The following PIN4 variants were observed in gnomAD, a reference collection of about 807,000 sequenced individuals.
The protein encoded by PIN4 is peptidylprolyl cis/trans isomerase, NIMA-interacting 4, also known as peptidyl-prolyl cis-trans isomerase NIMA-interacting 4.
In PIN4, 3 loss-of-function variants were observed where a neutral mutation model predicts 8.3. The observed-to-expected ratio is 0.36, with a 90% CI of 0.16 to 0.93. The LOEUF is 0.93. Among genes scored for constraint, PIN4 ranks in the 40% least tolerant of loss-of-function variants. The pLI is 0.44. For synonymous variants in PIN4, 18 were observed against 32.5 expected (o/e 0.55, Z 1.52); for missense variants, 75 against 100.6 (o/e 0.75, Z 1.09).
chrX:72,244,280 C>T (rs1469185397), intron 3 of PIN4, among the ~76,000 whole-genome samples: 1 of 111,647 alleles, frequency 9.0e-6, no homozygotes, highest in African/African-American at 3.3e-5. Flanking sequence ...ATTATGACAG[C>T]ATACCATGAG....
intron 2 of PIN4, among the ~76,000 whole-genome samples, chrX:72,188,176 G>C (rs988645084): frequency 1.8e-5 from 2 of 111,951 alleles, no homozygotes; most frequent in Non-Finnish European, 3.8e-5. Flanking sequence ...TGTTACAAAC[G>C]GAGTACAGCG....
chrX:72,219,030 C>CG (rs1048791797), intron 3 of PIN4, among the ~76,000 whole-genome samples: 18 of 112,272 alleles, frequency 1.6e-4, no homozygotes, highest in Non-Finnish European at 3.8e-5. Context: ...CTGAGGTGGG[C>CG]GGACCACCTG....
chrX:72,227,867 C>T (rs1025552123), intron 3 of PIN4, among the ~76,000 whole-genome samples: 1 of 112,571 alleles, frequency 8.9e-6, no homozygotes, highest in Non-Finnish European at 1.9e-5. Flanking sequence ...CCTTAAATAT[C>T]GGCCAGCCGT....
intron 3 of PIN4, among the ~76,000 whole-genome samples, chrX:72,232,560 G>A (rs190058002): frequency 6.9e-4 from 77 of 112,267 alleles, no homozygotes; most frequent in Non-Finnish European, 2.6e-4. Flanking sequence ...TGTAATCCCA[G>A]CACTTGGGGA....
intron 2 of PIN4, among the ~76,000 whole-genome samples, chrX:72,191,945 TTTTTTG>T (rs60476296): frequency 9.1e-6 from 1 of 110,110 alleles, no homozygotes; most frequent in South Asian, 3.9e-4. Context: ...ATTCGTGGGT[TTTTTTG>T]TTTTTGTTTT....
At chrX:72,206,906 T>C (rs760354023) in intron 3 of PIN4, 1 of 1,211,591 alleles carries the variant, frequency 8.3e-7, no homozygotes, top group East Asian at 3.0e-5. Context: ...AATTCTTGTT[T>C]ACTAAAATAT....
intron 3 of PIN4, among the ~76,000 whole-genome samples, chrX:72,227,232 C>T (rs2042958679): frequency 8.9e-6 from 1 of 112,017 alleles, no homozygotes; most frequent in African/African-American, 3.2e-5. Flanking sequence ...TACCCAGGTT[C>T]AGGGTGCCTC....
At chrX:72,261,933 T>C (rs1393196107) in intron 3 of PIN4, among the ~76,000 whole-genome samples, 2 of 110,403 alleles carry the variant, frequency 1.8e-5, no homozygotes, top group African/African-American at 6.6e-5. Context: ...CATCTCTCCC[T>C]GGAAAGTCCT....
intron 3 of PIN4, among the ~76,000 whole-genome samples, chrX:72,251,528 G>A (rs1390268669): frequency 9.0e-6 from 1 of 111,057 alleles, no homozygotes; most frequent in Non-Finnish European, 1.9e-5. Context: ...GAAAGTGTGT[G>A]TTTTCCCCAC....
At chrX:72,253,440 A>G (rs953957307) in intron 3 of PIN4, among the ~76,000 whole-genome samples, 2 of 111,184 alleles carry the variant, frequency 1.8e-5, no homozygotes, top group African/African-American at 3.3e-5. Context: ...AGCCTGACCA[A>G]TACGGTGAAA....
chrX:72,261,965 C>T (rs2043141760), intron 3 of PIN4, among the ~76,000 whole-genome samples: 1 of 110,197 alleles, frequency 9.1e-6, no homozygotes, highest in Non-Finnish European at 1.9e-5. Flanking sequence ...CCTCTGAGTC[C>T]TCCAGCCCCC....
At chrX:72,208,957 AT>A (rs777600114) in intron 3 of PIN4, among the ~76,000 whole-genome samples, 88 of 108,637 alleles carry the variant, frequency 8.1e-4, no homozygotes, top group African/African-American at 2.7e-3. Context: ...GTTCCACAGT[AT>A]TTTTTTTTTA....
At chrX:72,246,824 A>T (rs2043068937) in intron 3 of PIN4, among the ~76,000 whole-genome samples, 1 of 111,718 alleles carries the variant, frequency 9.0e-6, no homozygotes, top group South Asian at 3.7e-4. Context: ...CTGTGATCCC[A>T]CATCCTGCCT....
chrX:72,232,878 G>T (rs1396925275), intron 3 of PIN4, among the ~76,000 whole-genome samples: 1 of 110,250 alleles, frequency 9.1e-6, no homozygotes, highest in African/African-American at 3.3e-5. Flanking sequence ...TGAGGCAGGT[G>T]GATCGCTTGA....
intron 3 of PIN4, among the ~76,000 whole-genome samples, chrX:72,219,929 C>T (rs1223661527): frequency 9.0e-6 from 1 of 110,915 alleles, no homozygotes; most frequent in Non-Finnish European, 1.9e-5. Flanking sequence ...AACATCCTTG[C>T]CTTGTTCCTG....
chrX:72,196,751 C>G (rs2042768203), intron 2 of PIN4, 34 bp from the exon 3 acceptor site: 5 of 1,178,322 alleles, frequency 4.2e-6, no homozygotes, highest in Non-Finnish European at 5.7e-6. Flanking sequence ...ATTTGGGTCT[C>G]CAAGTATTAC....
chrX:72,184,619 G>A (rs2042689966), intron 1 of PIN4, among the ~76,000 whole-genome samples: 1 of 111,633 alleles, frequency 9.0e-6, no homozygotes, highest in Non-Finnish European at 1.9e-5. Flanking sequence ...GCAGGGAAGA[G>A]GATGGGATAA....
chrX:72,197,623 TTTAAA>T lies in PIN4; in HGVS notation c.*98_*102del. The stretch of plus-strand genomic sequence containing the variant: ...GGAGCTGCAAGGAAATACAAAAATT[TTTAAA>T]AAGAAAAGATATTGGATGCTCCTTG... On this transcript the variant is annotated 3_prime_UTR_variant, in exon 4 of 4. Coordinates refer to ENST00000373669, the MANE Select transcript of PIN4 (RefSeq NM_006223.4). 3 of 1,098,745 alleles carry T rather than the reference TTTAAA, an allele frequency of 2.7e-6. No individual in the cohort carries two copies. The highest frequency in any genetic ancestry group is 3.6e-6 in the Non-Finnish European group (3 of 838,798). 90.5% of individuals were successfully genotyped at this position (1,098,745 alleles called of 1,213,427 possible).
intron 3 of PIN4, chrX:72,205,994 G>A (rs1258157181): frequency 8.3e-6 from 10 of 1,209,861 alleles, no homozygotes; most frequent in Non-Finnish European, 4.5e-6. Context: ...AGTGCACTAT[G>A]GGATGCTGAA....
Sources: allele counts gnomAD v4.1 joint callset (sites outside exome capture counted in the v4.1 genomes callset), GRCh38; gene constraint gnomAD v4.1.1; transcripts MANE v1.5; gene names NCBI Gene and HGNC (gene_info 2026-07-23, HGNC 2026-07-21).